The following CASZ1 variants were observed in gnomAD, a reference collection of about 807,000 sequenced individuals.
CASZ1 encodes the protein zinc finger protein castor homolog 1.
Under a neutral mutation model 135.2 loss-of-function variants are expected in CASZ1, and 28 were observed. The observed-to-expected ratio is 0.21, with a 90% CI of 0.15 to 0.28. The LOEUF (loss-of-function observed/expected upper bound fraction) is 0.28. CASZ1 is among the 10% of genes least tolerant of loss of function. The probability of loss-of-function intolerance (pLI) is 1.00; values close to 1 mark genes in which losing one functional copy is unlikely to be tolerated. For missense variants in CASZ1, 2,161 were observed against 2,453.3 expected (o/e 0.88, Z 2.52); for synonymous variants, 1,068 against 1,073.4 (o/e 0.99, Z 0.10).
chr1:10,671,298 C>T lies in CASZ1; in HGVS notation c.17-5727G>A, dbSNP rs574703548. 1.2e-3 allele frequency among the ~76,000 whole-genome samples: 177 copies of T among 152,320 alleles called. 2 individuals are homozygous for T. The highest frequency in any genetic ancestry group is 1.3e-3 in the Non-Finnish European group (88 of 68,018). On this transcript the variant is annotated intron_variant, in intron 4 of 20. Transcript: ENST00000377022. ...ATTTAAAACACACACACTGAGCAAA[C>T]GCGCACAGACCGCGTGCATGCCTGT...
At position 10,757,559 on chromosome 1, in the gene CASZ1, G is replaced by T. The variant is rs1640282954; in HGVS notation, c.-77+3142C>A. Among the ~76,000 whole-genome samples the T allele has an allele frequency of 1.3e-5, 2 of 152,132 alleles. No individual in the cohort carries two copies. The highest frequency in any genetic ancestry group is 4.1e-4 in the South Asian group (2 of 4,826). ...TCCCAGCACCTTGGGGGGCTGAGGT[G>T]GGTGGATCACTTGAGGTTAGGAGTT... On this transcript the variant is annotated intron_variant, in intron 2 of 20. Coordinates refer to ENST00000377022, the MANE Select transcript of CASZ1 (RefSeq NM_001079843.3). This position sits in a 1 kb window ranked among gnomAD's most constrained non-coding sequence, Gnocchi z 4.6.
rs572360217 is a variant in CASZ1 at position 10,709,230 on chromosome 1, G to A, written c.-76-3686C>T. The stretch of plus-strand genomic sequence containing the variant: ...CTCCTACCTGCTCCCCAGGCCTCCC[G>A]GGGCCATGGGGGCTCGGGGCAGCTG... On this transcript the variant is annotated intron_variant, in intron 2 of 20. Coordinates refer to ENST00000377022, the MANE Select transcript of CASZ1 (RefSeq NM_001079843.3). The surrounding 1 kb of genome is among the most constrained non-coding windows in gnomAD (Gnocchi z 5.1). 1.3e-5 allele frequency among the ~76,000 whole-genome samples: 2 copies of A among 152,258 alleles called. No individual in the cohort carries two copies. Among genetic ancestry groups the A allele is most frequent in the Admixed American group, 6.5e-5 (1 of 15,304 alleles).
chr1:10,656,704 T>C lies in CASZ1; in HGVS notation c.1442A>G (p.His481Arg), dbSNP rs1314621139. Reference protein sequence around the residue: ...FSGSQHCGHIHCAYQYREHYH... With the variant: ...FSGSQHCGHIRCAYQYREHYH... Reference sequence around the variant, plus strand: ...GTGCTCGCGGTACTGGTAGGCACAGTGGATGTGGCCACAGTGCTGGCTGCC... The same window carrying C: ...GTGCTCGCGGTACTGGTAGGCACAGCGGATGTGGCCACAGTGCTGGCTGCC... The change falls in exon 8 of 21, where the codon CAC becomes CGC. Residue 481 changes from histidine (H) to arginine (R), a missense_variant. His to Arg is a conservative substitution (Grantham distance 29, BLOSUM62 0). Coordinates refer to ENST00000377022, the MANE Select transcript of CASZ1 (RefSeq NM_001079843.3). 1.2e-6 allele frequency: 2 copies of C among 1,602,374 alleles called. No homozygotes were observed. Among genetic ancestry groups the C allele is most frequent in the East Asian group, 4.5e-5 (2 of 44,490 alleles).
chr1:10,775,917 G>A (rs1406195568), intron 1 of CASZ1, among the ~76,000 whole-genome samples: 1 of 152,048 alleles, frequency 6.6e-6, no homozygotes, highest in East Asian at 1.9e-4. Flanking sequence ...AGGCCCCCAA[G>A]TACCCTCCCG....
In CASZ1 at chr1:10,717,460, A is replaced by C. The variant is rs1299351546; in HGVS notation, c.-76-11916T>G. On this transcript the variant is annotated intron_variant, in intron 2 of 20. Coordinates refer to ENST00000377022, the MANE Select transcript of CASZ1 (RefSeq NM_001079843.3). This position sits in a 1 kb window ranked among gnomAD's most constrained non-coding sequence, Gnocchi z 4.6. ...TGAGTGGTGTGAGCCTCACCCTGCTAAATAAAGCTTTGGTATTTCTGATAA... is the reference window on the plus strand; with the variant it reads ...TGAGTGGTGTGAGCCTCACCCTGCTCAATAAAGCTTTGGTATTTCTGATAA... Among the ~76,000 whole-genome samples, 1 of 151,970 alleles carries C rather than the reference A, an allele frequency of 6.6e-6. No individual in the cohort carries two copies. The highest frequency in any genetic ancestry group is 1.9e-4 in the East Asian group (1 of 5,190).
chr1:10,675,018 C>A (rs1305247055), intron 4 of CASZ1, among the ~76,000 whole-genome samples: 8 of 152,050 alleles, frequency 5.3e-5, no homozygotes, highest in Non-Finnish European at 1.2e-4. Flanking sequence ...CTCAGATACC[C>A]CCCGCAACCA....
At chr1:10,740,475 G>A (rs1022440715) in intron 2 of CASZ1, among the ~76,000 whole-genome samples, 19 of 152,154 alleles carry the variant, frequency 1.2e-4, no homozygotes, top group African/African-American at 4.3e-4. Flanking sequence ...TAGGGCTGAG[G>A]GTCCCCCCAA....
rs1484192456 is a variant in CASZ1 at position 10,694,736 on chromosome 1, C to G, written c.-23-824G>C. 7.0e-6 allele frequency among the ~76,000 whole-genome samples: 1 copy of G among 143,442 alleles called. No homozygotes were observed. The highest frequency in any genetic ancestry group is 2.5e-5 in the African/African-American group (1 of 40,172). 94.1% of individuals were successfully genotyped at this position (143,442 alleles called of 152,430 possible). ...CGCCCGCGCCGCACTGGCAGGGCGG[C>G]CGGCTCCATTGGCTCTGCGATTCCC... is the stretch of plus-strand genomic sequence containing the variant. On this transcript the variant is annotated intron_variant, in intron 3 of 20. Transcript: ENST00000377022. The surrounding 1 kb of genome is among the most constrained non-coding windows in gnomAD (Gnocchi z 6.6).
At chr1:10,782,239 AG>A (rs1640775597) in intron 1 of CASZ1, among the ~76,000 whole-genome samples, 1 of 152,166 alleles carries the variant, frequency 6.6e-6, no homozygotes, top group African/African-American at 2.4e-5. Context: ...TTAAGTGGGG[AG>A]GTCTAGGGAC....
chr1:10,743,515 G>A (rs776264408), intron 2 of CASZ1, among the ~76,000 whole-genome samples: 3 of 151,564 alleles, frequency 2.0e-5, no homozygotes, highest in Non-Finnish European at 3.0e-5. Context: ...GATGGGCTGG[G>A]GGCCGGGGGA....
rs983101659 is a variant in CASZ1 at position 10,774,428 on chromosome 1, C to A, written c.-233-13571G>T. 1.3e-5 allele frequency among the ~76,000 whole-genome samples: 2 copies of A among 152,230 alleles called. No homozygotes were observed. Among genetic ancestry groups the A allele is most frequent in the East Asian group, 3.9e-4 (2 of 5,144 alleles). On this transcript the variant is annotated intron_variant, in intron 1 of 20. Coordinates refer to ENST00000377022, the MANE Select transcript of CASZ1 (RefSeq NM_001079843.3). This position sits in a 1 kb window ranked among gnomAD's most constrained non-coding sequence, Gnocchi z 4.4. ...GATTAGGGATTTGGAAAAAGTCCCA[C>A]CACCAGGGCCTCCTGTGTAGTCTAC...
Position 10,653,537 on chromosome 1 carries a change from G to A in CASZ1, c.2520C>T (p.Val840=), listed in dbSNP as rs775313292. 31 of 1,599,810 alleles carry A rather than the reference G, an allele frequency of 1.9e-5. No homozygotes were observed. The highest frequency in any genetic ancestry group is 2.6e-5 in the Non-Finnish European group (30 of 1,171,946). The change falls in exon 11 of 21, where the codon GTC becomes GTT. Residue 840 remains valine (V), a synonymous_variant. Transcript: ENST00000377022. ...ASATPDTPTL[V]ASGAGDSAPV... ...GGGCTGAGTCTCCAGCTCCCGAGGC[G>A]ACCAGCGTGGGTGTGTCAGGGGTGG...
At position 10,642,756 on chromosome 1, in the gene CASZ1, C is replaced by T. The variant is rs751404656; in HGVS notation, c.4162+103G>A. The T allele has an allele frequency of 7.4e-5, 99 of 1,343,016 alleles. No individual in the cohort carries two copies. The South Asian group carries it at 9.6e-4, about 13-fold the overall frequency. 83.2% of individuals were successfully genotyped at this position (1,343,016 alleles called of 1,614,324 possible). On this transcript the variant is annotated intron_variant, in intron 20 of 20. Coordinates refer to ENST00000377022, the MANE Select transcript of CASZ1 (RefSeq NM_001079843.3). ...CTGCTGCACGCCAGCCTGTCCTCCT[C>T]GGAGGCCGCGTGCCCCGGACCTTCT...
At chr1:10,789,576 C>T (rs1047107140) in intron 1 of CASZ1, among the ~76,000 whole-genome samples, 1 of 151,990 alleles carries the variant, frequency 6.6e-6, no homozygotes. Context: ...CTCTCTCTCT[C>T]CCCGCACCTT....
chr1:10,670,344 T>A (rs1643361655), intron 4 of CASZ1, among the ~76,000 whole-genome samples: 1 of 152,240 alleles, frequency 6.6e-6, no homozygotes, highest in Admixed American at 6.5e-5. Context: ...GGAGCCCAAC[T>A]GCCACCAGGC....
rs1337869402 is a variant in CASZ1, at chr1:10,747,093, G to T, written c.-77+13608C>A. ...AATGGCATGTGATGGCCACCCAGTT[G>T]GCAGTGCCATTCCCCTAACGCAAGG... On this transcript the variant is annotated intron_variant, in intron 2 of 20. Coordinates refer to ENST00000377022, the MANE Select transcript of CASZ1 (RefSeq NM_001079843.3). The surrounding 1 kb of genome is among the most constrained non-coding windows in gnomAD (Gnocchi z 4.3). 6.6e-6 allele frequency among the ~76,000 whole-genome samples: 1 copy of T among 152,256 alleles called. No homozygotes were observed. The highest frequency in any genetic ancestry group is 2.4e-5 in the African/African-American group (1 of 41,468).
chr1:10,738,348 A>G (rs1378138419), intron 2 of CASZ1, among the ~76,000 whole-genome samples: 1 of 152,196 alleles, frequency 6.6e-6, no homozygotes, highest in Non-Finnish European at 1.5e-5. Flanking sequence ...AAGGACGCAG[A>G]GCACCCCACC....
At position 10,639,105 on chromosome 1, in the gene CASZ1, T is replaced by C; in HGVS notation, c.5117A>G (p.Asp1706Gly). The part of the protein sequence containing the change: ...DDDEDDDDED[D>G]DEDDDDEDLR... ...GTCCTCGTCGTCGTCGTCCTCGTCG[T>C]CGTCCTCGTCGTCGTCGTCCTCGTC... The change falls in exon 21 of 21, where the codon GAC (aspartate) becomes GGC (glycine). Residue 1706 changes from aspartate to glycine, a missense_variant. Asp to Gly is a moderately conservative substitution (Grantham distance 94). Transcript: ENST00000377022. This position sits in a 1 kb window ranked among gnomAD's most constrained non-coding sequence, Gnocchi z 4.0. The C allele has an allele frequency of 8.7e-7, 1 of 1,147,522 alleles. No homozygotes were observed. The highest frequency in any genetic ancestry group is 1.1e-6 in the Non-Finnish European group (1 of 910,632). 71.1% of individuals were successfully genotyped at this position (1,147,522 alleles called of 1,614,324 possible). A position where few individuals can be genotyped will look rare whatever the true frequency, so the allele number is the denominator to read the frequency against.
rs1216989501 is a variant in CASZ1 at position 10,694,833 on chromosome 1, G to T, written c.-23-921C>A. Among the ~76,000 whole-genome samples the T allele has an allele frequency of 6.9e-6, 1 of 145,250 alleles. No homozygotes were observed. Among genetic ancestry groups the T allele is most frequent in the Non-Finnish European group, 1.5e-5 (1 of 65,442 alleles). On this transcript the variant is annotated intron_variant, in intron 3 of 20. Transcript: ENST00000377022. The surrounding 1 kb of genome is among the most constrained non-coding windows in gnomAD (Gnocchi z 6.6). ...CTGGCGGGAGGGGACCCGGCGCGGGGCGGGGAACGCGGCCCGAGTAAGGCG... is the reference window on the plus strand; with the variant it reads ...CTGGCGGGAGGGGACCCGGCGCGGGTCGGGGAACGCGGCCCGAGTAAGGCG...
Sources: allele counts gnomAD v4.1 joint callset (sites outside exome capture counted in the v4.1 genomes callset), GRCh38; gene constraint gnomAD v4.1.1; non-coding constraint Gnocchi (gnomAD v3.1); transcripts MANE v1.5; gene names NCBI Gene and HGNC (gene_info 2026-07-23, HGNC 2026-07-21).